TAF3: variants seen among roughly 807,000 people sequenced by gnomAD.
TAF3 encodes TATA-box binding protein associated factor 3.
TAF3 carries 7 observed loss-of-function variants against 80.6 expected under a neutral mutation model. The observed-to-expected ratio is 0.09, with a 90% CI of 0.05 to 0.16. The LOEUF (loss-of-function observed/expected upper bound fraction) is 0.16, where lower values mean the gene tolerates loss of function less well. Ranked by LOEUF, TAF3 falls within the 10% of genes least tolerant of loss-of-function variation. TAF3 has a pLI of 1.00. For synonymous variants in TAF3, 444 were observed against 446.1 expected (o/e 1.00, Z 0.06); for missense variants, 921 against 1,140.2 (o/e 0.81, Z 2.77).
At chr10:7,974,257 C>T (rs1312216319) in intron 3 of TAF3, among the ~76,000 whole-genome samples, 1 of 152,102 alleles carries the variant, frequency 6.6e-6, no homozygotes, top group East Asian at 1.9e-4. Flanking sequence ...ACCCTTGACC[C>T]TGGACCATAC....
chr10:7,873,799 G>T (rs1387848923), intron 2 of TAF3, among the ~76,000 whole-genome samples: 1 of 152,204 alleles, frequency 6.6e-6, no homozygotes, highest in African/African-American at 2.4e-5. Flanking sequence ...TTAGAGAAAA[G>T]AACTTAATGC....
intron 3 of TAF3, among the ~76,000 whole-genome samples, chr10:7,975,702 G>A (rs1021080644): frequency 2.0e-5 from 3 of 152,050 alleles, no homozygotes; most frequent in African/African-American, 7.2e-5. Flanking sequence ...TGGGCTGAGG[G>A]ATTTGAAAAA....
intron 2 of TAF3, among the ~76,000 whole-genome samples, chr10:7,895,770 A>G (rs1323445551): frequency 1.3e-5 from 2 of 152,204 alleles, no homozygotes; most frequent in South Asian, 2.1e-4. Context: ...CTACAAAATG[A>G]GGATGACAGT....
chr10:7,823,991 T>G (rs1235677922), intron 1 of TAF3, among the ~76,000 whole-genome samples: 8 of 152,154 alleles, frequency 5.3e-5, no homozygotes, highest in East Asian at 1.9e-4. Context: ...TTATTATTTT[T>G]GGGGCATTTT....
At chr10:7,999,876 T>C (rs1190065073) in intron 4 of TAF3, among the ~76,000 whole-genome samples, 1 of 152,240 alleles carries the variant, frequency 6.6e-6, no homozygotes, top group African/African-American at 2.4e-5. Context: ...ACGCACTCGA[T>C]TGTGCAGCTC....
At chr10:7,834,274 C>T (rs1836829303) in intron 2 of TAF3, among the ~76,000 whole-genome samples, 1 of 152,150 alleles carries the variant, frequency 6.6e-6, no homozygotes, top group Admixed American at 6.6e-5. Flanking sequence ...AAATAATTGC[C>T]CAGACCAGTG....
intron 4 of TAF3, among the ~76,000 whole-genome samples, chr10:8,005,849 C>T (rs1355748068): frequency 6.6e-6 from 1 of 152,184 alleles, no homozygotes; most frequent in Non-Finnish European, 1.5e-5. Flanking sequence ...AACCTCAGTA[C>T]ACATTGAGAG....
chr10:7,870,753 C>G (rs1182746839), intron 2 of TAF3, among the ~76,000 whole-genome samples: 1 of 152,126 alleles, frequency 6.6e-6, no homozygotes, highest in African/African-American at 2.4e-5. Flanking sequence ...TGCCTGCCCC[C>G]ACTTAACATT....
At chr10:7,885,922 T>C (rs1837404746) in intron 2 of TAF3, among the ~76,000 whole-genome samples, 1 of 152,108 alleles carries the variant, frequency 6.6e-6, no homozygotes, top group African/African-American at 2.4e-5. Context: ...CTTCCTCTGT[T>C]GATACTTTTT....
chr10:7,983,081 T>G (rs1442608249), intron 4 of TAF3, among the ~76,000 whole-genome samples: 1 of 151,944 alleles, frequency 6.6e-6, no homozygotes, highest in Non-Finnish European at 1.5e-5. Context: ...TTGCCAAGTA[T>G]CCTAGGGCTC....
rs1588534182 is a variant in TAF3, at chr10:7,873,829, G to C, written c.409+49269G>C. Among the ~76,000 whole-genome samples the C allele has an allele frequency of 2.0e-5, 3 of 152,336 alleles. No individual in the cohort carries two copies. In the South Asian group the frequency reaches 6.2e-4, roughly 32 times the overall value. On this transcript the variant is annotated intron_variant, in intron 2 of 6. Coordinates refer to ENST00000344293, the MANE Select transcript of TAF3 (RefSeq NM_031923.4). ...TAATGCTGTTTATAGATAGAAAACT[G>C]TTGCTTTCTCATTTCTTATTACCAA...
intron 4 of TAF3, among the ~76,000 whole-genome samples, chr10:8,005,052 G>A (rs1307062407): frequency 6.6e-6 from 1 of 151,952 alleles, no homozygotes; most frequent in East Asian, 1.9e-4. Flanking sequence ...CTCAGTTACT[G>A]TATTTTTTAA....
At chr10:7,825,947 A>G (rs908688191) in intron 2 of TAF3, among the ~76,000 whole-genome samples, 8 of 152,198 alleles carry the variant, frequency 5.3e-5, no homozygotes, top group Non-Finnish European at 4.4e-5. Flanking sequence ...TGGCTGTACC[A>G]TCTAAGCTTC....
At chr10:7,993,049 A>G (rs1157332786) in intron 4 of TAF3, among the ~76,000 whole-genome samples, 1 of 152,240 alleles carries the variant, frequency 6.6e-6, no homozygotes, top group Non-Finnish European at 1.5e-5. Context: ...TACCTGGTCC[A>G]TATTCAGATA....
intron 4 of TAF3, among the ~76,000 whole-genome samples, chr10:7,984,873 A>G (rs893401275): frequency 1.3e-5 from 2 of 152,216 alleles, no homozygotes; most frequent in African/African-American, 4.8e-5. Flanking sequence ...TCTCCTAAAG[A>G]TCAAACTACT....
intron 2 of TAF3, among the ~76,000 whole-genome samples, chr10:7,828,923 G>C (rs1226914355): frequency 6.7e-6 from 1 of 150,240 alleles, no homozygotes; most frequent in Non-Finnish European, 1.5e-5. Flanking sequence ...CCAGCTACTC[G>C]GGAGGCTGAG....
At chr10:7,980,075 C>T (rs548799653) in intron 4 of TAF3, among the ~76,000 whole-genome samples, 1 of 152,148 alleles carries the variant, frequency 6.6e-6, no homozygotes, top group African/African-American at 2.4e-5. Flanking sequence ...AGATTCCTGT[C>T]ACTGTGCCTG....
intron 2 of TAF3, among the ~76,000 whole-genome samples, chr10:7,920,170 T>C (rs1008494120): frequency 6.6e-6 from 1 of 152,108 alleles, no homozygotes; most frequent in Non-Finnish European, 1.5e-5. Context: ...GGAGGATCTC[T>C]TGAGTGCAGG....
intron 2 of TAF3, among the ~76,000 whole-genome samples, chr10:7,838,275 T>C (rs959329208): frequency 6.6e-6 from 1 of 152,164 alleles, no homozygotes; most frequent in African/African-American, 2.4e-5. Context: ...TCTCTCCCCA[T>C]TTTGGCCTTT....
Sources: gnomAD v4.1 joint callset for allele counts (sites outside exome capture counted in the v4.1 genomes callset) on GRCh38, gnomAD v4.1.1 for gene constraint, MANE v1.5 for transcripts, NCBI Gene and HGNC (gene_info 2026-07-23, HGNC 2026-07-21) for gene names.